PRKD1: variants seen among roughly 807,000 people sequenced by gnomAD.
PRKD1 encodes protein kinase D1, also known as serine/threonine-protein kinase D1.
PRKD1 carries 63 observed loss-of-function variants against 95.9 expected under a neutral mutation model. The observed-to-expected ratio is 0.66, with a 90% CI of 0.54 to 0.81. PRKD1 has a LOEUF of 0.81. Among genes scored for constraint, PRKD1 ranks in the 30% least tolerant of loss-of-function variants. PRKD1 has a pLI of 0.00. For synonymous variants in PRKD1, 425 were observed against 423.1 expected (o/e 1.00, Z -0.05); for missense variants, 1,048 against 1,165.3 (o/e 0.90, Z 1.47).
intron 1 of PRKD1, among the ~76,000 whole-genome samples, chr14:29,792,886 T>C (rs1242864390): frequency 6.6e-6 from 1 of 152,060 alleles, no homozygotes; most frequent in Non-Finnish European, 1.5e-5. Flanking sequence ...TTTGAGGCCA[T>C]TGCTTTAAAA....
At chr14:29,776,982 C>A (rs1008015804) in intron 1 of PRKD1, among the ~76,000 whole-genome samples, 1 of 152,108 alleles carries the variant, frequency 6.6e-6, no homozygotes, top group Non-Finnish European at 1.5e-5. Flanking sequence ...AGAGTGGGGG[C>A]CAATATTCAA....
chr14:29,689,816 T>C (rs576740547), intron 2 of PRKD1, among the ~76,000 whole-genome samples: 2 of 152,286 alleles, frequency 1.3e-5, no homozygotes, highest in Admixed American at 1.3e-4. Context: ...GAGCATGTCT[T>C]TTGCAGGGAT....
At chr14:29,804,638 A>G (rs1890165109) in intron 1 of PRKD1, among the ~76,000 whole-genome samples, 1 of 152,192 alleles carries the variant, frequency 6.6e-6, no homozygotes, top group Non-Finnish European at 1.5e-5. Flanking sequence ...TACCACAGTA[A>G]CAAAGTGAAC....
At chr14:29,673,063 T>C (rs970527747) in intron 2 of PRKD1, among the ~76,000 whole-genome samples, 7 of 152,194 alleles carry the variant, frequency 4.6e-5, no homozygotes, top group Admixed American at 4.6e-4. Flanking sequence ...TCCAGGCAGC[T>C]GAGCTCTATG....
At chr14:29,908,109 A>G (rs1894556512) in intron 1 of PRKD1, among the ~76,000 whole-genome samples, 1 of 151,356 alleles carries the variant, frequency 6.6e-6, no homozygotes, top group African/African-American at 2.4e-5. Context: ...TTGTACTTAC[A>G]TCATCTTGAT....
At chr14:29,741,786 CTT>C (rs1485503907) in intron 1 of PRKD1, among the ~76,000 whole-genome samples, 1 of 152,078 alleles carries the variant, frequency 6.6e-6, no homozygotes, top group East Asian at 1.9e-4. Flanking sequence ...TTTACTGACA[CTT>C]ATATTCATTA....
intron 1 of PRKD1, among the ~76,000 whole-genome samples, chr14:29,772,877 C>T (rs190150624): frequency 4.0e-4 from 61 of 152,284 alleles, no homozygotes; most frequent in African/African-American, 1.4e-3. Context: ...CAACTGATAA[C>T]AAGACTCTTC....
chr14:29,780,442 G>T (rs1888991843), intron 1 of PRKD1, among the ~76,000 whole-genome samples: 1 of 152,144 alleles, frequency 6.6e-6, no homozygotes, highest in Non-Finnish European at 1.5e-5. Flanking sequence ...AAATTTACAA[G>T]AAAACATCGA....
intron 1 of PRKD1, among the ~76,000 whole-genome samples, chr14:29,862,972 T>C (rs1237990078): frequency 6.6e-6 from 1 of 152,214 alleles, no homozygotes; most frequent in Non-Finnish European, 1.5e-5. Context: ...CCAAGCATTT[T>C]CTTTTGGCGG....
chr14:29,583,996 T>C (rs1279000234), intron 16 of PRKD1, among the ~76,000 whole-genome samples: 1 of 152,188 alleles, frequency 6.6e-6, no homozygotes, highest in Non-Finnish European at 1.5e-5. Context: ...AAACATTCTC[T>C]TTTAGCAGAA....
At chr14:29,871,561 TA>T (rs949475343) in intron 1 of PRKD1, among the ~76,000 whole-genome samples, 2 of 152,148 alleles carry the variant, frequency 1.3e-5, no homozygotes, top group South Asian at 2.1e-4. Flanking sequence ...TGCTCATTTA[TA>T]AAAAGGGGGT....
At chr14:29,914,360 T>C (rs943672410) in intron 1 of PRKD1, among the ~76,000 whole-genome samples, 3 of 152,140 alleles carry the variant, frequency 2.0e-5, no homozygotes, top group Admixed American at 1.3e-4. Context: ...TCACTCATAA[T>C]TGACAAAAAA....
chr14:29,629,490 A>G (rs981239911), intron 10 of PRKD1, among the ~76,000 whole-genome samples: 3 of 152,162 alleles, frequency 2.0e-5, no homozygotes, highest in Non-Finnish European at 4.4e-5. Flanking sequence ...GGTCTCATAT[A>G]AAGTGCTTAG....
intron 1 of PRKD1, among the ~76,000 whole-genome samples, chr14:29,861,566 A>T (rs527664818): frequency 1.3e-5 from 2 of 152,252 alleles, no homozygotes; most frequent in Admixed American, 1.3e-4. Context: ...CAATCCAATT[A>T]TATTATTTTA....
chr14:29,821,349 G>A (rs988202865), intron 1 of PRKD1, among the ~76,000 whole-genome samples: 10 of 152,168 alleles, frequency 6.6e-5, no homozygotes, highest in African/African-American at 2.4e-4. Context: ...AGAGTACACA[G>A]CTCTTGGTAT....
intron 1 of PRKD1, among the ~76,000 whole-genome samples, chr14:29,851,002 G>T (rs1027663813): frequency 6.6e-6 from 1 of 152,042 alleles, no homozygotes; most frequent in African/African-American, 2.4e-5. Flanking sequence ...ATGGGGAAAG[G>T]ACTCCCTATT....
chr14:29,804,702 CCT>C (rs1890167432), intron 1 of PRKD1, among the ~76,000 whole-genome samples: 1 of 152,090 alleles, frequency 6.6e-6, no homozygotes, highest in South Asian at 2.1e-4. Context: ...AAGATCATCC[CCT>C]GAGACAAACC....
At chr14:29,835,375 T>C (rs1264602754) in intron 1 of PRKD1, among the ~76,000 whole-genome samples, 2 of 152,118 alleles carry the variant, frequency 1.3e-5, no homozygotes, top group African/African-American at 4.8e-5. Flanking sequence ...AACTTGTAAG[T>C]ACATAGTACA....
chr14:29,781,902 G>A (rs925849210), intron 1 of PRKD1, among the ~76,000 whole-genome samples: 6 of 152,186 alleles, frequency 3.9e-5, no homozygotes, highest in South Asian at 2.1e-4. Flanking sequence ...GCTCTGAGAT[G>A]TACAATTCAA....
Sources: gnomAD v4.1 joint callset for allele counts (sites outside exome capture counted in the v4.1 genomes callset) on GRCh38, gnomAD v4.1.1 for gene constraint, MANE v1.5 for transcripts, NCBI Gene and HGNC (gene_info 2026-07-23, HGNC 2026-07-21) for gene names.